SPATA17: variants seen among roughly 807,000 people sequenced by gnomAD.
SPATA17 encodes spermatogenesis-associated protein 17.
In SPATA17, 53 loss-of-function variants were observed where a neutral mutation model predicts 62.2. The observed-to-expected ratio is 0.85, with a 90% CI of 0.68 to 1.07. SPATA17 has a LOEUF of 1.07. Ranked by LOEUF, SPATA17 falls within the 50% of genes least tolerant of loss-of-function variation. The pLI, the probability that SPATA17 is intolerant of heterozygous loss-of-function variation, is 0.00. For synonymous variants in SPATA17, 146 were observed against 146.8 expected, an observed-to-expected ratio of 0.99 and a Z score of 0.04; for missense variants, 466 against 425.5, an observed-to-expected ratio of 1.10 and a Z score of -0.84.
intron 8 of SPATA17, among the ~76,000 whole-genome samples, chr1:217,788,698 C>T (rs867449190): frequency 2.0e-5 from 3 of 152,088 alleles, no homozygotes; most frequent in Non-Finnish European, 4.4e-5. Context: ...TCACAAAAGG[C>T]GAGGAAATTG....
At chr1:217,839,869 A>G (rs1675351146) in intron 9 of SPATA17, among the ~76,000 whole-genome samples, 1 of 152,118 alleles carries the variant, frequency 6.6e-6, no homozygotes, top group Non-Finnish European at 1.5e-5. Flanking sequence ...ACATCATTTT[A>G]TGATGTCCAC....
At chr1:217,832,059 T>G (rs976525332) in intron 9 of SPATA17, among the ~76,000 whole-genome samples, 1 of 152,160 alleles carries the variant, frequency 6.6e-6, no homozygotes, top group Admixed American at 6.5e-5. Flanking sequence ...CAGTGGATAT[T>G]GTTTTGCTAA....
intron 8 of SPATA17, among the ~76,000 whole-genome samples, chr1:217,789,529 C>T (rs1350183679): frequency 6.6e-6 from 1 of 152,150 alleles, no homozygotes; most frequent in African/African-American, 2.4e-5. Context: ...ACCCAACCTC[C>T]CCAGTGGCCT....
rs2103018670 is a variant in SPATA17 at position 217,867,054 on chromosome 1, T to C, written c.*35T>C. 1 of 152,220 alleles carries C rather than the reference T, an allele frequency of 6.6e-6. No individual in the cohort carries two copies. The highest frequency in any genetic ancestry group is 2.1e-4 in the South Asian group (1 of 4,822). The allele number at this position is 152,220 out of a possible 1,614,324, so 9.4% of individuals were successfully genotyped here. On this transcript the variant is annotated 3_prime_UTR_variant, in exon 11 of 11. Transcript: ENST00000366933. ...AAGAAGAAACTGAAGCCATCTGCAT[T>C]TTAAAACTTAACAGTTCTGAAAGGA... is the stretch of plus-strand genomic sequence containing the variant.
intron 5 of SPATA17, among the ~76,000 whole-genome samples, chr1:217,685,937 T>G (rs1671206516): frequency 6.6e-6 from 1 of 152,138 alleles, no homozygotes; most frequent in African/African-American, 2.4e-5. Context: ...TTGTTCTATT[T>G]TATTTTTTGT....
intron 6 of SPATA17, among the ~76,000 whole-genome samples, chr1:217,748,609 G>A (rs1456732836): frequency 6.6e-6 from 1 of 151,620 alleles, no homozygotes; most frequent in Non-Finnish European, 1.5e-5. Context: ...GTTGGATGTG[G>A]TGGCGGGCGC....
In SPATA17 at chr1:217,647,425, T is replaced by A. The variant is rs187174059; in HGVS notation, c.69-1457T>A. 1.1e-4 allele frequency among the ~76,000 whole-genome samples: 16 copies of A among 152,214 alleles called. No homozygotes were observed. In the East Asian group the frequency reaches 1.7e-3, roughly 17 times the overall value. Reference sequence around the variant, plus strand: ...GCACCTTTGGTAAGACAAAGTTGAGTGTTAGGAGTAATACCAATGATCTCT... The same window carrying A: ...GCACCTTTGGTAAGACAAAGTTGAGAGTTAGGAGTAATACCAATGATCTCT... On this transcript the variant is annotated intron_variant, in intron 1 of 10. Coordinates refer to ENST00000366933, the MANE Select transcript of SPATA17 (RefSeq NM_138796.4).
chr1:217,635,951 G>C (rs900706158), intron 1 of SPATA17, among the ~76,000 whole-genome samples: 7 of 151,792 alleles, frequency 4.6e-5, no homozygotes, highest in Non-Finnish European at 7.4e-5. Flanking sequence ...TGGCCAACAT[G>C]GAGAAACCCC....
intron 4 of SPATA17, among the ~76,000 whole-genome samples, chr1:217,682,216 G>A (rs1174203603): frequency 6.6e-6 from 1 of 151,756 alleles, no homozygotes; most frequent in Admixed American, 6.6e-5. Context: ...TTTTCAGATA[G>A]GGGTATTAGA....
intron 5 of SPATA17, among the ~76,000 whole-genome samples, chr1:217,726,717 G>GTT (rs111327823): frequency 7.4e-4 from 108 of 146,354 alleles, no homozygotes; most frequent in African/African-American, 1.2e-3. Context: ...ATTTTTGTGT[G>GTT]TTTTTTTTTT....
chr1:217,777,322 A>G (rs1319825357), intron 7 of SPATA17, among the ~76,000 whole-genome samples: 1 of 152,190 alleles, frequency 6.6e-6, no homozygotes, highest in Admixed American at 6.5e-5. Flanking sequence ...AATATAATTG[A>G]AAATCTATAG....
At chr1:217,732,350 C>T (rs1208461078) in intron 5 of SPATA17, among the ~76,000 whole-genome samples, 2 of 152,122 alleles carry the variant, frequency 1.3e-5, no homozygotes, top group Non-Finnish European at 2.9e-5. Flanking sequence ...TGAGAGATGT[C>T]CCTTGTCTGT....
intron 8 of SPATA17, among the ~76,000 whole-genome samples, chr1:217,797,615 A>G (rs1674181744): frequency 6.6e-6 from 1 of 152,198 alleles, no homozygotes; most frequent in Non-Finnish European, 1.5e-5. Flanking sequence ...ATTTTTGAGC[A>G]GGTGTACTTT....
chr1:217,737,478 TGA>T (rs1672535704), intron 5 of SPATA17, among the ~76,000 whole-genome samples: 1 of 151,990 alleles, frequency 6.6e-6, no homozygotes, highest in Non-Finnish European at 1.5e-5. Context: ...GGAGGGAGGT[TGA>T]GAGAGAAGTT....
intron 9 of SPATA17, among the ~76,000 whole-genome samples, chr1:217,830,612 G>T (rs1203154386): frequency 6.6e-6 from 1 of 151,890 alleles, no homozygotes; most frequent in Non-Finnish European, 1.5e-5. Context: ...TCCTAAACAA[G>T]TTCTTCATGG....
intron 2 of SPATA17, among the ~76,000 whole-genome samples, chr1:217,649,971 C>T (rs1233387201): frequency 2.3e-5 from 3 of 130,636 alleles, no homozygotes; most frequent in Admixed American, 1.7e-4. Context: ...CGGAGTTTTG[C>T]TCTTGTTGTC....
At chr1:217,749,985 C>CTCTCTCTCTCTATATATATATATA in intron 6 of SPATA17, among the ~76,000 whole-genome samples, 14 of 12,314 alleles carry the variant, frequency 1.1e-3, no homozygotes, top group African/African-American at 1.5e-3. Context: ...CTCTCTCTCT[C>CTCTCTCTCTCTATATATATATATA]TATATATATA....
chr1:217,672,528 G>A (rs1342550251), intron 4 of SPATA17, among the ~76,000 whole-genome samples: 1 of 152,156 alleles, frequency 6.6e-6, no homozygotes, highest in Admixed American at 6.6e-5. Context: ...CAACTAAAAT[G>A]TATTCAATTG....
chr1:217,858,845 T>G (rs1675836352), intron 9 of SPATA17, among the ~76,000 whole-genome samples: 1 of 151,912 alleles, frequency 6.6e-6, no homozygotes, highest in African/African-American at 2.4e-5. Flanking sequence ...CTGGCCAATA[T>G]GGTGAAACCC....
Sources: allele counts gnomAD v4.1 joint callset (sites outside exome capture counted in the v4.1 genomes callset), GRCh38; gene constraint gnomAD v4.1.1; transcripts MANE v1.5; gene names NCBI Gene and HGNC (gene_info 2026-07-23, HGNC 2026-07-21).